Variants in DZANK1 observed in about 807,000 individuals in gnomAD.
DZANK1 encodes double zinc ribbon and ankyrin repeat-containing protein 1.
In DZANK1, 91 loss-of-function variants were observed where a neutral mutation model predicts 94.5. The observed-to-expected ratio is 0.96, with a 90% confidence interval of 0.81 to 1.15. DZANK1 has a LOEUF of 1.15. Among genes scored for constraint, DZANK1 ranks in the 50% most tolerant of loss-of-function variants. The pLI, the probability that DZANK1 is intolerant of heterozygous loss-of-function variation, is 0.00. For synonymous variants in DZANK1, 312 were observed against 325.3 expected (o/e 0.96, Z 0.44); for missense variants, 903 against 916.4 (o/e 0.99, Z 0.19).
At chr20:18,460,849 T>C (rs2059449951) in intron 2 of DZANK1, among the ~76,000 whole-genome samples, 1 of 152,254 alleles carries the variant, frequency 6.6e-6, no homozygotes, top group Non-Finnish European at 1.5e-5. Context: ...TCTTTCTCTG[T>C]ACCAGCATTG....
intron 17 of DZANK1, among the ~76,000 whole-genome samples, chr20:18,391,983 A>T (rs919144403): frequency 6.6e-6 from 1 of 152,264 alleles, no homozygotes; most frequent in African/African-American, 2.4e-5. Flanking sequence ...TGTCAGCTTC[A>T]GGAGGTGTGA....
At chr20:18,393,411 A>G (rs2056131238) in intron 17 of DZANK1, among the ~76,000 whole-genome samples, 1 of 152,174 alleles carries the variant, frequency 6.6e-6, no homozygotes, top group African/African-American at 2.4e-5. Flanking sequence ...CATTTGTCAA[A>G]CGACCAGACA....
At chr20:18,461,381 A>G (rs2059466395) in intron 2 of DZANK1, among the ~76,000 whole-genome samples, 1 of 152,122 alleles carries the variant, frequency 6.6e-6, no homozygotes, top group Non-Finnish European at 1.5e-5. Context: ...ATTATTTGTT[A>G]TAGCTGCACC....
Position 18,453,734 on chromosome 20 carries a change from GAAACTTTCT to G in DZANK1, c.463_471del (p.Arg155_Phe157del), listed in dbSNP as rs1568543519. 2.5e-5 allele frequency: 41 copies of G among 1,608,260 alleles called. No individual in the cohort carries two copies. In the East Asian group the frequency reaches 9.1e-4, roughly 36 times the overall value. On this transcript the variant is annotated inframe_deletion, in exon 5 of 21. Coordinates refer to ENST00000262547, the Ensembl canonical transcript of DZANK1. ...TCTTTGTTCTGTCACATCATACCTG[GAAACTTTCT>G]AAGGTTAACATTCCAGCTGCGTTGA...
intron 10 of DZANK1, among the ~76,000 whole-genome samples, chr20:18,423,905 GA>G (rs2057909105): frequency 2.3e-5 from 3 of 130,000 alleles, no homozygotes; most frequent in Admixed American, 7.3e-5. Context: ...TAAACCCAAA[GA>G]AAAGAGAATA....
chr20:18,435,251 T>C (rs1360621206), intron 8 of DZANK1, among the ~76,000 whole-genome samples: 1 of 152,158 alleles, frequency 6.6e-6, no homozygotes, highest in African/African-American at 2.4e-5. Flanking sequence ...AACACTAAGA[T>C]ATGCTGACCC....
intron 4 of DZANK1, among the ~76,000 whole-genome samples, chr20:18,454,906 A>T (rs1296473603): frequency 1.3e-5 from 2 of 152,234 alleles, no homozygotes; most frequent in Non-Finnish European, 2.9e-5. Context: ...GAGTATATGT[A>T]GGGGGTTGAC....
chr20:18,389,814 G>T, exon 19 of DZANK1: 3 of 1,614,008 alleles, frequency 1.9e-6, no homozygotes, highest in Middle Eastern at 1.6e-4. Context: ...CATCACAGCA[G>T]TTGGGGTCTG....
chr20:18,410,173 C>CT (rs1270930607), intron 13 of DZANK1, among the ~76,000 whole-genome samples: 3 of 151,504 alleles, frequency 2.0e-5, no homozygotes, highest in Non-Finnish European at 4.4e-5. Context: ...AATAATAGTT[C>CT]TTTTTTTAAA....
intron 10 of DZANK1, among the ~76,000 whole-genome samples, chr20:18,426,205 T>C (rs966342818): frequency 5.9e-5 from 9 of 152,170 alleles, no homozygotes; most frequent in Non-Finnish European, 1.0e-4. Flanking sequence ...TATTGTGAAC[T>C]GTGCATGCGA....
At chr20:18,400,434 A>G (rs2056608690) in intron 13 of DZANK1, among the ~76,000 whole-genome samples, 1 of 152,236 alleles carries the variant, frequency 6.6e-6, no homozygotes, top group Non-Finnish European at 1.5e-5. Context: ...GGGCAGCCCA[A>G]GTAGTGTCAA....
At chr20:18,450,979 G>A (rs1253098694) in intron 6 of DZANK1, among the ~76,000 whole-genome samples, 3 of 152,032 alleles carry the variant, frequency 2.0e-5, no homozygotes, top group South Asian at 4.2e-4. Flanking sequence ...AGAGTCTCAC[G>A]TTGTTGCCAA....
At chr20:18,384,925 C>T in intron 20 of DZANK1, 91 bp downstream of exon 20, 1 of 1,285,972 alleles carries the variant, frequency 7.8e-7, no homozygotes. Context: ...GACAGCAGTT[C>T]AGGAACCAAG....
intron 13 of DZANK1, among the ~76,000 whole-genome samples, chr20:18,409,504 T>C (rs570792629): frequency 9.2e-5 from 14 of 151,906 alleles, no homozygotes; most frequent in South Asian, 6.2e-4. Flanking sequence ...AGAATACTTA[T>C]GAAGTTCTTT....
chr20:18,392,486 C>T (rs930594253), intron 17 of DZANK1, among the ~76,000 whole-genome samples: 4 of 152,186 alleles, frequency 2.6e-5, no homozygotes, highest in African/African-American at 9.7e-5. Flanking sequence ...TGGAGGGAAG[C>T]ACACGGCATC....
At chr20:18,450,525 C>T (rs756830220) in intron 6 of DZANK1, among the ~76,000 whole-genome samples, 2 of 152,242 alleles carry the variant, frequency 1.3e-5, no homozygotes, top group African/African-American at 2.4e-5. Flanking sequence ...TTTTAACTAA[C>T]AGTCAAAACT....
intron 13 of DZANK1, among the ~76,000 whole-genome samples, chr20:18,406,234 C>T (rs2056956167): frequency 6.6e-6 from 1 of 152,232 alleles, no homozygotes; most frequent in African/African-American, 2.4e-5. Context: ...TTAAGGAGGA[C>T]TTGTAATATT....
intron 12 of DZANK1, chr20:18,413,145 A>C: frequency 2.2e-6 from 1 of 448,306 alleles, no homozygotes. Flanking sequence ...CTGTAATCCA[A>C]TAGAGCATAG....
chr20:18,435,763 TAA>T, intron 8 of DZANK1, among the ~76,000 whole-genome samples: 1 of 138,812 alleles, frequency 7.2e-6, no homozygotes. Flanking sequence ...AAAGTATAAT[TAA>T]AAAAAAAAAA....
Sources: allele counts gnomAD v4.1 joint callset (sites outside exome capture counted in the v4.1 genomes callset), GRCh38; gene constraint gnomAD v4.1.1; transcripts MANE v1.5; gene names NCBI Gene and HGNC (gene_info 2026-07-23, HGNC 2026-07-21).